NRK: variants seen among roughly 807,000 people sequenced by gnomAD.
NRK encodes Nik related kinase.
NRK carries 67 observed loss-of-function variants against 125.2 expected under a neutral mutation model. The ratio of observed to expected loss-of-function variants is 0.54; its 90% CI spans 0.44 to 0.66. The LOEUF (loss-of-function observed/expected upper bound fraction) is 0.66. Among genes scored for constraint, NRK ranks in the 30% least tolerant of loss-of-function variants. The pLI, the probability that NRK is intolerant of heterozygous loss-of-function variation, is 0.00. For synonymous variants in NRK, 458 were observed against 429.0 expected (o/e 1.07, Z -0.84); for missense variants, 1,224 against 1,192.9 (o/e 1.03, Z -0.38).
At chrX:105,868,842 T>C (rs2039705988) in intron 2 of NRK, among the ~76,000 whole-genome samples, 1 of 109,413 alleles carries the variant, frequency 9.1e-6, no homozygotes, top group Admixed American at 9.9e-5. Context: ...GTAAACAGCA[T>C]GTCATAGGCA....
chrX:105,893,684 G>T, intron 5 of NRK, 148 bp from the exon 6 acceptor site: 3 of 410,660 alleles, frequency 7.3e-6, no homozygotes, highest in Non-Finnish European at 8.5e-6. Flanking sequence ...CTAGCCTTTG[G>T]AGTCTTCCAT....
intron 15 of NRK, among the ~76,000 whole-genome samples, chrX:105,917,367 T>C (rs2040379856): frequency 9.0e-6 from 1 of 111,386 alleles, no homozygotes; most frequent in African/African-American, 3.2e-5. Flanking sequence ...AACATATTTT[T>C]CTTATTTTGG....
At chrX:105,915,288 T>C (rs777111896) in intron 14 of NRK, among the ~76,000 whole-genome samples, 16 of 110,553 alleles carry the variant, frequency 1.4e-4, no homozygotes, top group Non-Finnish European at 2.8e-4. Context: ...AAAGGATGAG[T>C]GTATAAGAAT....
chrX:105,836,633 G>C (rs1172393337), intron 2 of NRK, among the ~76,000 whole-genome samples: 1 of 111,630 alleles, frequency 9.0e-6, no homozygotes, highest in Non-Finnish European at 1.9e-5. Context: ...TCAACTTTTG[G>C]AAATATATGA....
chrX:105,885,440 A>T, intron 4 of NRK, among the ~76,000 whole-genome samples: 1 of 112,607 alleles, frequency 8.9e-6, no homozygotes, highest in South Asian at 3.6e-4. Flanking sequence ...AACCAATTAT[A>T]TTTTCATTGA....
At chrX:105,915,200 G>C (rs2040350389) in intron 14 of NRK, among the ~76,000 whole-genome samples, 1 of 110,490 alleles carries the variant, frequency 9.1e-6, no homozygotes. Flanking sequence ...TTAAAGATGG[G>C]ACACTTTTGA....
chrX:105,893,829 C>T lies in NRK; in HGVS notation c.379-3C>T. Reference sequence around the variant, plus strand: ...TTTTTATACTTTGCTGGCTTTCCTGCAGATGGTGATGGAGTTATGTGCAGC... The same window carrying T: ...TTTTTATACTTTGCTGGCTTTCCTGTAGATGGTGATGGAGTTATGTGCAGC... On this transcript the variant is annotated splice_polypyrimidine_tract_variant and splice_region_variant and intron_variant, in intron 5 of 28. Transcript: ENST00000243300. 8.7e-7 allele frequency: 1 copy of T among 1,145,198 alleles called. No individual in the cohort carries two copies. The highest frequency in any genetic ancestry group is 1.2e-6 in the Non-Finnish European group (1 of 837,378). The allele number at this position is 1,145,198 out of a possible 1,213,427, so 94.4% of individuals were successfully genotyped here.
At chrX:105,933,043 T>C (rs1190368482) in intron 19 of NRK, among the ~76,000 whole-genome samples, 4 of 110,971 alleles carry the variant, frequency 3.6e-5, no homozygotes, top group Non-Finnish European at 7.5e-5. Flanking sequence ...TGGCATATGA[T>C]AGGCACACAG....
intron 11 of NRK, chrX:105,907,251 A>G (rs966436134): frequency 9.0e-6 from 1 of 111,670 alleles, no homozygotes; most frequent in East Asian, 2.8e-4. Context: ...TCAAAAAAAT[A>G]AAAATAAAAG....
intron 26 of NRK, among the ~76,000 whole-genome samples, chrX:105,948,946 T>C (rs2040855622): frequency 9.0e-6 from 1 of 111,640 alleles, no homozygotes; most frequent in Non-Finnish European, 1.9e-5. Flanking sequence ...TAGTTTTTCA[T>C]ATTATGTCAC....
intron 2 of NRK, among the ~76,000 whole-genome samples, chrX:105,877,989 A>G (rs769874878): frequency 9.0e-6 from 1 of 111,169 alleles, no homozygotes; most frequent in African/African-American, 3.3e-5. Context: ...TATGGCTAAT[A>G]TTTTTGATAA....
intron 2 of NRK, among the ~76,000 whole-genome samples, chrX:105,876,337 C>CT (rs1354954634): frequency 9.0e-6 from 1 of 110,947 alleles, no homozygotes; most frequent in East Asian, 2.8e-4. Flanking sequence ...CTCAATTTAG[C>CT]CATTCCACAA....
At chrX:105,826,282 A>T (rs2039103489) in intron 1 of NRK, among the ~76,000 whole-genome samples, 2 of 65,918 alleles carry the variant, frequency 3.0e-5, no homozygotes, top group Non-Finnish European at 4.9e-5. Context: ...ATATATATGA[A>T]ATATATATTA....
rs923948808 is a variant in NRK, at chrX:105,957,419, A to G, written c.*1819A>G. 2 of 111,890 alleles carry G rather than the reference A, an allele frequency of 1.8e-5. No homozygotes were observed. Among genetic ancestry groups the G allele is most frequent in the Non-Finnish European group, 3.8e-5 (2 of 53,100 alleles). 9.2% of individuals were successfully genotyped at this position (111,890 alleles called of 1,213,427 possible). A position where few individuals can be genotyped will look rare whatever the true frequency, so the allele number is the denominator to read the frequency against. ...AGCAAATGGAGCTTGCTATGTTTTAATTTCAGAAAATTTCCTCATATACGT... is the reference window on the plus strand; with the variant it reads ...AGCAAATGGAGCTTGCTATGTTTTAGTTTCAGAAAATTTCCTCATATACGT... On this transcript the variant is annotated 3_prime_UTR_variant, in exon 29 of 29. Transcript: ENST00000243300.
At chrX:105,951,824 TG>T (rs2040902100) in intron 27 of NRK, among the ~76,000 whole-genome samples, 1 of 112,627 alleles carries the variant, frequency 8.9e-6, no homozygotes, top group Non-Finnish European at 1.9e-5. Context: ...CGATGCCATA[TG>T]AACTATGTAC....
intron 9 of NRK, among the ~76,000 whole-genome samples, chrX:105,902,104 G>A (rs1029805182): frequency 3.7e-5 from 4 of 109,489 alleles, no homozygotes; most frequent in African/African-American, 1.3e-4. Flanking sequence ...GGTCACCTTC[G>A]TTTGTTTCAC....
In NRK at chrX:105,908,202, C is replaced by T. The variant is rs763523170; in HGVS notation, c.1022-38C>T. 17 of 794,301 alleles carry T rather than the reference C, an allele frequency of 2.1e-5. No individual in the cohort carries two copies. In the South Asian group the frequency reaches 4.5e-4, roughly 21 times the overall value. 65.5% of individuals were successfully genotyped at this position (794,301 alleles called of 1,213,427 possible). ...AGTGGATAACATGCTTATCTGCTGA[C>T]TGTTTATGCATTATGTTTTTCTCTT... is the stretch of plus-strand genomic sequence containing the variant. On this transcript the variant is annotated intron_variant, in intron 11 of 28. Transcript: ENST00000243300.
At chrX:105,826,885 G>A (rs1416344198) in intron 1 of NRK, among the ~76,000 whole-genome samples, 1 of 110,897 alleles carries the variant, frequency 9.0e-6, no homozygotes, top group Non-Finnish European at 1.9e-5. Context: ...CTGCACATCA[G>A]TTTATTTTCT....
chrX:105,868,528 T>C (rs1425084752), intron 2 of NRK, among the ~76,000 whole-genome samples: 2 of 111,712 alleles, frequency 1.8e-5, no homozygotes, highest in African/African-American at 6.5e-5. Context: ...TAGTCTTCCA[T>C]ATTGCCTCGC....
Sources: gnomAD v4.1 joint callset for allele counts (sites outside exome capture counted in the v4.1 genomes callset) on GRCh38, gnomAD v4.1.1 for gene constraint, MANE v1.5 for transcripts, NCBI Gene and HGNC (gene_info 2026-07-23, HGNC 2026-07-21) for gene names.